Variants in DNAH8 observed in about 807,000 individuals in gnomAD.
The protein encoded by DNAH8 is axonemal beta dynein heavy chain 8.
In DNAH8, 382 loss-of-function variants were observed where a neutral mutation model predicts 562.1. That is an observed-to-expected ratio of 0.68 (90% CI 0.63 to 0.74). The LOEUF (loss-of-function observed/expected upper bound fraction) is 0.74, where lower values mean the gene tolerates loss of function less well. DNAH8 is among the 30% of genes least tolerant of loss of function. DNAH8 has a pLI of 0.00. For synonymous variants in DNAH8, 1,881 were observed against 1,919.4 expected (o/e 0.98, Z 0.52); for missense variants, 5,203 against 5,620.4 (o/e 0.93, Z 2.37).
intron 85 of DNAH8, among the ~76,000 whole-genome samples, chr6:38,979,780 T>G (rs556246043): frequency 1.4e-4 from 22 of 152,320 alleles, no homozygotes; most frequent in Middle Eastern, 3.4e-3. Context: ...TAGAGTCAAT[T>G]TGAGCAGCTT....
intron 1 of DNAH8, among the ~76,000 whole-genome samples, chr6:38,715,930 ATATATATAT>A (rs1762261737): frequency 1.6e-4 from 4 of 24,908 alleles, no homozygotes; most frequent in Admixed American, 1.1e-3. Context: ...AAATAAATAT[ATATATATAT>A]ATATATATAT....
chr6:38,726,432 A>T (rs1418518842), intron 3 of DNAH8, among the ~76,000 whole-genome samples: 1 of 152,312 alleles, frequency 6.6e-6, no homozygotes, highest in Non-Finnish European at 1.5e-5. Context: ...TAGAAGTGCT[A>T]TGTGCCTACA....
intron 62 of DNAH8, among the ~76,000 whole-genome samples, chr6:38,905,223 T>C (rs930047506): frequency 1.3e-5 from 2 of 152,216 alleles, no homozygotes; most frequent in Non-Finnish European, 2.9e-5. Flanking sequence ...CTCCTTCCAG[T>C]GAGGATTACC....
intron 88 of DNAH8, among the ~76,000 whole-genome samples, chr6:39,007,590 A>T (rs1309637478): frequency 2.0e-5 from 3 of 152,182 alleles, no homozygotes; most frequent in Non-Finnish European, 2.9e-5. Context: ...GTGGCTGCCC[A>T]TTGCCTTTAG....
At chr6:38,766,413 A>C (rs1286904374) in intron 11 of DNAH8, among the ~76,000 whole-genome samples, 2 of 152,184 alleles carry the variant, frequency 1.3e-5, no homozygotes, top group Non-Finnish European at 2.9e-5. Context: ...GAAAGAGTAC[A>C]AATTTTCAGT....
At chr6:38,843,563 C>T (rs1279617392) in intron 35 of DNAH8, among the ~76,000 whole-genome samples, 1 of 152,092 alleles carries the variant, frequency 6.6e-6, no homozygotes, top group Non-Finnish European at 1.5e-5. Context: ...TCTCCTTGCT[C>T]TAGCATTTAT....
At chr6:39,021,565 C>T (rs1030129032) in intron 91 of DNAH8, among the ~76,000 whole-genome samples, 1 of 152,220 alleles carries the variant, frequency 6.6e-6, no homozygotes, top group African/African-American at 2.4e-5. Context: ...TTTTATTCAA[C>T]GGGGTTGACC....
chr6:38,757,840 G>A (rs897682463), intron 10 of DNAH8, among the ~76,000 whole-genome samples: 2 of 152,030 alleles, frequency 1.3e-5, no homozygotes, highest in Non-Finnish European at 2.9e-5. Flanking sequence ...GTAGATATGC[G>A]GCATTATTTC....
intron 72 of DNAH8, chr6:38,923,713 G>T (rs1367273148): frequency 4.0e-5 from 16 of 397,846 alleles, no homozygotes; most frequent in Non-Finnish European, 5.3e-5. Flanking sequence ...GGGACAGGAT[G>T]GGGGAAGATA....
At position 38,982,326 on chromosome 6, in the gene DNAH8, T is replaced by A; in HGVS notation, c.12835-20T>A. 1 of 1,132,738 alleles carries A rather than the reference T, an allele frequency of 8.8e-7. No individual in the cohort carries two copies. The allele number at this position is 1,132,738 out of a possible 1,614,324, so 70.2% of individuals were successfully genotyped here. A position where few individuals can be genotyped will look rare whatever the true frequency, so the allele number is the denominator to read the frequency against. On this transcript the variant is annotated intron_variant, in intron 85 of 92. Coordinates refer to ENST00000327475, the MANE Select transcript of DNAH8 (RefSeq NM_001206927.2). ...GGAATCAGGTACATGCAATACTTAC[T>A]TTTCTTTGGTGTTTTTAAGGAGCGA...
chr6:38,731,874 C>T (rs757506312), intron 4 of DNAH8, among the ~76,000 whole-genome samples: 1 of 152,090 alleles, frequency 6.6e-6, no homozygotes, highest in African/African-American at 2.4e-5. Context: ...ACCACTGCGC[C>T]CAGCTAATGT....
chr6:38,769,225 A>T lies in DNAH8; in HGVS notation c.1618-1188A>T, dbSNP rs181461032. ...ATTCAGAGCCAACTCATTTAAAAAA[A>T]TTTTTTTATTATACTTTAAGTTCTG... On this transcript the variant is annotated intron_variant, in intron 11 of 92. Transcript: ENST00000327475. 3.6e-3 allele frequency among the ~76,000 whole-genome samples: 541 copies of T among 152,256 alleles called. 6 individuals are homozygous for T. In the South Asian group the frequency reaches 0.038, roughly 11 times the overall value.
In DNAH8 at chr6:38,898,365, G is replaced by T. The variant is rs1779843837; in HGVS notation, c.9048G>T (p.Met3016Ile). ...SLDLVFFKDA[M>I]THLIKISRII... is the part of the protein sequence containing the mutation. The stretch of plus-strand genomic sequence containing the variant: ...ATCTGGTGTTTTTTAAAGATGCAAT[G>T]ACTCATCTTATTAAGGTCCTAACTA... Residue 3016 changes from methionine to isoleucine, a missense_variant, in exon 61 of 93, where the codon ATG becomes ATT. By Grantham distance (10) the Met-to-Ile change is conservative (BLOSUM62 1). Coordinates refer to ENST00000327475, the MANE Select transcript of DNAH8 (RefSeq NM_001206927.2). The T allele has an allele frequency of 6.4e-7, 1 of 1,574,574 alleles. No individual in the cohort carries two copies. The highest frequency in any genetic ancestry group is 1.2e-5 in the South Asian group (1 of 81,786).
At chr6:38,749,252 C>G (rs1230265998) in intron 8 of DNAH8, among the ~76,000 whole-genome samples, 1 of 152,092 alleles carries the variant, frequency 6.6e-6, no homozygotes, top group East Asian at 1.9e-4. Flanking sequence ...AGCCATCATC[C>G]TCAGCAAACT....
Position 38,749,583 on chromosome 6 carries a change from A to G in DNAH8, c.1294-893A>G, listed in dbSNP as rs541409086. On this transcript the variant is annotated intron_variant, in intron 8 of 92. Transcript: ENST00000327475. Reference sequence around the variant, plus strand: ...TGTCTAATTAAATGACTAAAGGCACACAGATTGCTCATCTTTGAATAAAAG... The same window carrying G: ...TGTCTAATTAAATGACTAAAGGCACGCAGATTGCTCATCTTTGAATAAAAG... Among the ~76,000 whole-genome samples the G allele has an allele frequency of 7.2e-5, 11 of 152,224 alleles. No individual in the cohort carries two copies. The South Asian group carries it at 2.3e-3, about 32-fold the overall frequency.
At chr6:38,833,845 T>C (rs1323186124) in intron 31 of DNAH8, among the ~76,000 whole-genome samples, 1 of 152,204 alleles carries the variant, frequency 6.6e-6, no homozygotes, top group Non-Finnish European at 1.5e-5. Flanking sequence ...ACTATTATAT[T>C]GGGAATCTAG....
chr6:38,814,661 A>G (rs1322376636), intron 25 of DNAH8, among the ~76,000 whole-genome samples: 1 of 152,182 alleles, frequency 6.6e-6, no homozygotes, highest in African/African-American at 2.4e-5. Context: ...CTGTTCTGCC[A>G]GCAGTTAGCA....
In DNAH8 at chr6:38,973,752, ATTCT is replaced by A. The variant is rs1561931349; in HGVS notation, c.12621_12624del (p.Phe4208GlufsTer4). The A allele has an allele frequency of 6.2e-7, 1 of 1,611,672 alleles. No individual in the cohort carries two copies. The highest frequency in any genetic ancestry group is 8.5e-7 in the Non-Finnish European group (1 of 1,179,024). On this transcript the variant is annotated frameshift_variant, in exon 84 of 93. Transcript: ENST00000327475. LOFTEE classifies it high-confidence loss of function. Reference sequence around the variant, plus strand: ...CTAATTACCACTGAAGCCAGTGATGATTCTTTCCGAGTATGGATAACTACGGAGC... The same window carrying A: ...CTAATTACCACTGAAGCCAGTGATGATTCCGAGTATGGATAACTACGGAGC...
At chr6:38,996,849 T>G (rs1405031376) in intron 88 of DNAH8, among the ~76,000 whole-genome samples, 1 of 152,198 alleles carries the variant, frequency 6.6e-6, no homozygotes, top group African/African-American at 2.4e-5. Context: ...GAAGCCCACA[T>G]GGTGTTGCTG....
Sources: allele counts gnomAD v4.1 joint callset (sites outside exome capture counted in the v4.1 genomes callset), GRCh38; gene constraint gnomAD v4.1.1; transcripts MANE v1.5; gene names NCBI Gene and HGNC (gene_info 2026-07-23, HGNC 2026-07-21).